The following STPG2 variants were observed in gnomAD, a reference collection of about 807,000 sequenced individuals.
STPG2 encodes sperm tail PG-rich repeat containing 2, also known as sperm-tail PG-rich repeat-containing protein 2.
A neutral mutation model predicts 54.2 loss-of-function variants in STPG2; 56 were observed. The ratio of observed to expected loss-of-function variants is 1.03; its 90% CI spans 0.83 to 1.29. STPG2 has a LOEUF of 1.29. Among genes scored for constraint, STPG2 ranks in the 50% most tolerant of loss-of-function variants. STPG2 has a pLI of 0.00. For missense variants in STPG2, 596 were observed against 544.9 expected (o/e 1.09, Z -0.93); for synonymous variants, 200 against 181.8 (o/e 1.10, Z -0.81).
intron 4 of STPG2, among the ~76,000 whole-genome samples, chr4:97,549,991 T>G (rs1731928737): frequency 6.6e-6 from 1 of 152,148 alleles, no homozygotes; most frequent in Admixed American, 6.5e-5. Context: ...GAGCTTCAAT[T>G]TTATTCTGAA....
chr4:98,049,960 T>C (rs1028478141), intron 5 of STPG2, among the ~76,000 whole-genome samples: 1 of 152,068 alleles, frequency 6.6e-6, no homozygotes, highest in African/African-American at 2.4e-5. Context: ...AAAGACACCA[T>C]TGGGAAATAC....
Position 97,821,951 on chromosome 4 carries a change from C to A in STPG2, c.1204+18822G>T, listed in dbSNP as rs561847330. On this transcript the variant is annotated intron_variant, in intron 9 of 10. Transcript: ENST00000295268. ...TTTTCCCATGTCTTGGCTATTAGCA[C>A]TTGACTCTTTTTAGCCATGCTAATA... Among the ~76,000 whole-genome samples the A allele has an allele frequency of 3.3e-5, 5 of 152,286 alleles. No homozygotes were observed. The East Asian group carries it at 5.8e-4, about 18-fold the overall frequency.
Position 97,943,956 on chromosome 4 carries a change from T to G in STPG2, c.985A>C (p.Thr329Pro). The change falls in exon 8 of 11, where the codon ACT becomes CCT. Residue 329 changes from threonine (T) to proline (P), a missense_variant. Thr to Pro is a conservative substitution (Grantham distance 38). Coordinates refer to ENST00000295268, the MANE Select transcript of STPG2 (RefSeq NM_174952.3). ...GACAAGAAAGCAGCATATTTGTTAG[T>G]CAAGTTAGGTAATTCATCAGAAATT... ...VGISDELPNL[T>P]NKYAAFLSRA... The G allele has an allele frequency of 1.9e-6, 3 of 1,604,780 alleles. No homozygotes were observed. The highest frequency in any genetic ancestry group is 2.5e-6 in the Non-Finnish European group (3 of 1,177,090).
intron 9 of STPG2, among the ~76,000 whole-genome samples, chr4:97,828,349 C>G (rs1250466622): frequency 1.3e-5 from 2 of 152,184 alleles, no homozygotes; most frequent in African/African-American, 2.4e-5. Flanking sequence ...GAATGGTGCA[C>G]TCTGGCCCAG....
intron 4 of STPG2, among the ~76,000 whole-genome samples, chr4:97,537,335 C>G (rs1191562750): frequency 1.3e-5 from 2 of 152,168 alleles, no homozygotes; most frequent in African/African-American, 2.4e-5. Context: ...AAAATCAGAT[C>G]ACTCCCACCC....
intron 4 of STPG2, among the ~76,000 whole-genome samples, chr4:97,474,387 G>T (rs72885594): frequency 3.9e-5 from 6 of 152,070 alleles, no homozygotes; most frequent in Non-Finnish European, 8.8e-5. Flanking sequence ...ATGGAGGTTG[G>T]GGGGTGGATA....
chr4:98,027,186 C>A (rs1203948663), intron 5 of STPG2, among the ~76,000 whole-genome samples: 1 of 152,166 alleles, frequency 6.6e-6, no homozygotes, highest in Non-Finnish European at 1.5e-5. Context: ...AATTTAGTAG[C>A]TTAAAATAAC....
At chr4:97,649,679 C>CA (rs1315326942) in intron 10 of STPG2, among the ~76,000 whole-genome samples, 1 of 151,968 alleles carries the variant, frequency 6.6e-6, no homozygotes, top group Non-Finnish European at 1.5e-5. Context: ...GGAAGTTAAC[C>CA]AAGGTAACCA....
chr4:98,011,957 G>C (rs147184849), intron 5 of STPG2, among the ~76,000 whole-genome samples: 302 of 152,222 alleles, frequency 2.0e-3, no homozygotes, highest in African/African-American at 7.1e-3. Flanking sequence ...AAGCTCTTTA[G>C]TTTAAATAGA....
At chr4:97,493,582 A>G (rs1459756698) in intron 4 of STPG2, among the ~76,000 whole-genome samples, 1 of 151,536 alleles carries the variant, frequency 6.6e-6, no homozygotes, top group African/African-American at 2.4e-5. Context: ...CAGCAAAATT[A>G]GCAAAAGTGT....
intron 10 of STPG2, among the ~76,000 whole-genome samples, chr4:97,598,244 T>C (rs1043127683): frequency 7.9e-5 from 12 of 151,734 alleles, no homozygotes; most frequent in East Asian, 5.8e-4. Flanking sequence ...AGATGAAACA[T>C]ACAAATGGAA....
At chr4:97,585,118 AAAAAAAC>A (rs1413063745) in intron 10 of STPG2, among the ~76,000 whole-genome samples, 5,934 of 139,222 alleles carry the variant, frequency 0.043, 490 homozygotes, top group African/African-American at 0.16. Context: ...AAAAAAAAAA[AAAAAAAC>A]AAAACTACAA....
chr4:97,509,364 T>G (rs1730923292), intron 4 of STPG2, among the ~76,000 whole-genome samples: 1 of 152,114 alleles, frequency 6.6e-6, no homozygotes, highest in Non-Finnish European at 1.5e-5. Context: ...AGACACCCAA[T>G]TTATAAAAAT....
At chr4:97,601,627 T>C (rs377458438) in intron 10 of STPG2, among the ~76,000 whole-genome samples, 3 of 152,036 alleles carry the variant, frequency 2.0e-5, no homozygotes, top group African/African-American at 7.2e-5. Context: ...AAGGGCTCCA[T>C]GTCCCTGTTT....
At chr4:97,902,892 C>A (rs1239450960) in intron 8 of STPG2, among the ~76,000 whole-genome samples, 2 of 152,052 alleles carry the variant, frequency 1.3e-5, no homozygotes, top group African/African-American at 2.4e-5. Context: ...ATGAAATCAA[C>A]ATAAGTGGCC....
At chr4:97,836,865 A>G (rs1394068232) in intron 9 of STPG2, among the ~76,000 whole-genome samples, 1 of 149,146 alleles carries the variant, frequency 6.7e-6, no homozygotes, top group Admixed American at 6.7e-5. Flanking sequence ...ATGATAATTA[A>G]TAACAATAAA....
chr4:97,522,080 A>AT (rs11407143), intron 4 of STPG2, among the ~76,000 whole-genome samples: 74,387 of 151,814 alleles, frequency 0.49, 18,869 homozygotes, highest in South Asian at 0.63. Context: ...CAAATATACA[A>AT]TTTTTTCTTA....
At chr4:97,621,749 A>C (rs1734016782) in intron 10 of STPG2, among the ~76,000 whole-genome samples, 1 of 152,194 alleles carries the variant, frequency 6.6e-6, no homozygotes, top group Non-Finnish European at 1.5e-5. Context: ...AAATTTAAGA[A>C]GGAGGGACTC....
rs184742625 is a variant in STPG2 at position 98,120,022 on chromosome 4, C to T, written c.387+8406G>A. 4.3e-3 allele frequency among the ~76,000 whole-genome samples: 648 copies of T among 152,234 alleles called. 3 individuals are homozygous for T. Among genetic ancestry groups the T allele is most frequent in the South Asian group, 0.025 (120 of 4,822 alleles). On this transcript the variant is annotated intron_variant, in intron 3 of 10. Coordinates refer to ENST00000295268, the MANE Select transcript of STPG2 (RefSeq NM_174952.3). ...TCATTGATGGCAGTTGGGTTGATTC[C>T]ATGGCTTTACTATTGTGAATAGTGC...
Sources: gnomAD v4.1 joint callset for allele counts (sites outside exome capture counted in the v4.1 genomes callset) on GRCh38, gnomAD v4.1.1 for gene constraint, MANE v1.5 for transcripts, NCBI Gene and HGNC (gene_info 2026-07-23, HGNC 2026-07-21) for gene names.